The following OR6C3 variants were observed in gnomAD, a reference collection of about 807,000 sequenced individuals.
OR6C3 encodes the protein olfactory receptor 6C3.
For synonymous variants in OR6C3, 177 were observed against 137.4 expected (o/e 1.29, Z -2.02); for missense variants, 487 against 364.6 (o/e 1.34, Z -2.73).
chr12:55,330,367 A>G (rs1031807281), upstream of OR6C3: 11 of 152,250 alleles, frequency 7.2e-5, no homozygotes, highest in African/African-American at 2.2e-4. Flanking sequence ...CTGGCATTCC[A>G]TTTTTATTTC....
chr12:55,330,187 C>G (rs1482315109), upstream of OR6C3: 1 of 152,230 alleles, frequency 6.6e-6, no homozygotes, highest in Non-Finnish European at 1.5e-5. Context: ...AACCCAGATA[C>G]CAGAATCTAA....
intron 1 of OR6C3, among the ~76,000 whole-genome samples, chr12:55,331,259 T>C (rs1175713691): frequency 2.6e-5 from 4 of 151,980 alleles, no homozygotes; most frequent in African/African-American, 9.7e-5. Context: ...TTTGATGAAG[T>C]TAAGAGCACC....
In OR6C3 at chr12:55,332,147, G is replaced by C. The variant is rs962146965; in HGVS notation, c.447G>C (p.Gly149=). The C allele has an allele frequency of 6.2e-7, 1 of 1,613,932 alleles. No homozygotes were observed. The highest frequency in any genetic ancestry group is 1.7e-5 in the Admixed American group (1 of 59,980). Residue 149 remains glycine, a synonymous_variant, in exon 2 of 2, where the codon GGG becomes GGC. Coordinates refer to ENST00000641740, the MANE Select transcript of OR6C3 (RefSeq NM_001388498.1). ...TLLVLCAWLS[G]FLTIFPPLML... ...TTGTGCTGTGTGCCTGGCTAAGTGGGTTTCTGACCATTTTCCCACCCCTTA... is the reference window on the plus strand; with the variant it reads ...TTGTGCTGTGTGCCTGGCTAAGTGGCTTTCTGACCATTTTCCCACCCCTTA...
rs142648891 is a variant in OR6C3, at chr12:55,332,243, C to T, written c.543C>T (p.Leu181=). ...ACTTTGCATGTGACTATTTTCCCCT[C>T]TTACAACTATCTTGTTCAGATACAT... is the stretch of plus-strand genomic sequence containing the variant. ...IDHFACDYFP[L]LQLSCSDTWL... is the part of the protein sequence containing the mutation. Residue 181 remains leucine (L), a synonymous_variant, in exon 2 of 2, where the codon CTC becomes CTT. Transcript: ENST00000641740. 1 of 1,614,112 alleles carries T rather than the reference C, an allele frequency of 6.2e-7. No individual in the cohort carries two copies. Among genetic ancestry groups the T allele is most frequent in the Middle Eastern group, 1.6e-4 (1 of 6,062 alleles).
In OR6C3 at chr12:55,332,011, T is replaced by TG; in HGVS notation, c.316dup (p.Val106GlyfsTer3). 1 of 1,614,186 alleles carries TG rather than the reference T, an allele frequency of 6.2e-7. No individual in the cohort carries two copies. Among genetic ancestry groups the TG allele is most frequent in the South Asian group, 1.1e-5 (1 of 91,078 alleles). On this transcript the variant is annotated frameshift_variant, in exon 2 of 2. Transcript: ENST00000641740. LOFTEE classifies it low-confidence loss of function (END_TRUNC). ...GCCCAACTCTTTTTCTTTATCTTCA[T>TG]GGGGGTGACTGAATTTTACATTTTA...
At position 55,331,698 on chromosome 12, in the gene OR6C3, G is replaced by C. The variant is rs1868853361; in HGVS notation, c.-3G>C. ...GAAGAAGGAGAGAGAGAAAGGACGA[G>C]ACATGAACCACACAATGGTCACAGA... On this transcript the variant is annotated 5_prime_UTR_variant, in exon 2 of 2. Coordinates refer to ENST00000641740, the MANE Select transcript of OR6C3 (RefSeq NM_001388498.1). The C allele has an allele frequency of 1.3e-6, 2 of 1,599,050 alleles. No homozygotes were observed.
At chr12:55,331,247 CT>C (rs1463442684) in intron 1 of OR6C3, among the ~76,000 whole-genome samples, 1 of 151,506 alleles carries the variant, frequency 6.6e-6, no homozygotes, top group Non-Finnish European at 1.5e-5. Context: ...TCACTTTTAT[CT>C]TTTGATGAAG....
chr12:55,331,999 T>A lies in OR6C3; in HGVS notation c.299T>A (p.Phe100Tyr), dbSNP rs1297963432. Residue 100 changes from phenylalanine to tyrosine, a missense_variant, in exon 2 of 2, where the codon TTC becomes TAC. Phe to Tyr is a conservative substitution (Grantham distance 22). Coordinates refer to ENST00000641740, the MANE Select transcript of OR6C3 (RefSeq NM_001388498.1). ...AACAACTGTGCAGCCCAACTCTTTT[T>A]CTTTATCTTCATGGGGGTGACTGAA... is the stretch of plus-strand genomic sequence containing the variant. ...SYNNCAAQLFFFIFMGVTEFY... is the reference protein window; with the variant it reads ...SYNNCAAQLFYFIFMGVTEFY... 13 of 1,614,058 alleles carry A rather than the reference T, an allele frequency of 8.1e-6. No homozygotes were observed. Among genetic ancestry groups the A allele is most frequent in the Non-Finnish European group, 1.1e-5 (13 of 1,180,040 alleles).
In OR6C3 at chr12:55,332,136, T is replaced by G. The variant is rs1868878723; in HGVS notation, c.436T>G (p.Trp146Gly). The G allele has an allele frequency of 6.2e-7, 1 of 1,614,072 alleles. No individual in the cohort carries two copies. The highest frequency in any genetic ancestry group is 1.7e-5 in the Admixed American group (1 of 59,994). ...KLCTLLVLCA[W>G]LSGFLTIFPP... is the part of the protein sequence containing the mutation. ...CTGCACTCTACTTGTGCTGTGTGCC[T>G]GGCTAAGTGGGTTTCTGACCATTTT... Residue 146 changes from tryptophan to glycine, a missense_variant, in exon 2 of 2, where the codon TGG becomes GGG. By Grantham distance (184) the Trp-to-Gly change is radical. Transcript: ENST00000641740.
At position 55,331,837 on chromosome 12, in the gene OR6C3, C is replaced by A. The variant is rs769364773; in HGVS notation, c.137C>A (p.Thr46Asn). The A allele has an allele frequency of 1.1e-5, 17 of 1,613,854 alleles. No homozygotes were observed. The highest frequency in any genetic ancestry group is 1.6e-4 in the Middle Eastern group (1 of 6,084). Residue 46 changes from threonine (T) to asparagine (N), a missense_variant, in exon 2 of 2, where the codon ACC (threonine) becomes AAC (asparagine). Coordinates refer to ENST00000641740, the MANE Select transcript of OR6C3 (RefSeq NM_001388498.1). ...GGAAACCTGACTATCATCACCCTAA[C>A]CTTTGTGGACTCCCATCTGCAGACA... ...VTGNLTIITL[T>N]FVDSHLQTPM... is the part of the protein sequence containing the mutation.
Position 55,332,075 on chromosome 12 carries a change from G to A in OR6C3, c.375G>A (p.Lys125=), listed in dbSNP as rs373879780. ...ATGACCGCTATGTTGCCATCTGCAAGCCCCTTCATTACACATCCATCATGA... is the reference window on the plus strand; with the variant it reads ...ATGACCGCTATGTTGCCATCTGCAAACCCCTTCATTACACATCCATCATGA... ...MSYDRYVAIC[K]PLHYTSIMNR... Residue 125 remains lysine, a synonymous_variant, in exon 2 of 2, where the codon AAG becomes AAA. Transcript: ENST00000641740. 45 of 1,614,052 alleles carry A rather than the reference G, an allele frequency of 2.8e-5. No individual in the cohort carries two copies. The highest frequency in any genetic ancestry group is 3.6e-5 in the Non-Finnish European group (42 of 1,180,004).
chr12:55,330,216 T>C (rs1356952894), upstream of OR6C3: 1 of 152,194 alleles, frequency 6.6e-6, no homozygotes, highest in Non-Finnish European at 1.5e-5. Flanking sequence ...ATCCAATGTG[T>C]CATATATTTA....
chr12:55,332,465 G>A lies in OR6C3; in HGVS notation c.765G>A (p.Met255Ile), dbSNP rs371682800. The A allele has an allele frequency of 6.8e-6, 11 of 1,613,856 alleles. No homozygotes were observed. Among genetic ancestry groups the A allele is most frequent in the Non-Finnish European group, 9.3e-6 (11 of 1,180,002 alleles). Residue 255 changes from methionine (M) to isoleucine (I), a missense_variant, in exon 2 of 2, where the codon ATG (methionine) becomes ATA (isoleucine). Transcript: ENST00000641740. ...TTTCTTATGGAAGCTGTATATTCAT[G>A]TATGCTAATCCATCTGCAAAAGAAA... ...ISISYGSCIF[M>I]YANPSAKEKA...
At chr12:55,330,577 C>G (rs1395992562), upstream of OR6C3, among the ~76,000 whole-genome samples, 2 of 152,108 alleles carry the variant, frequency 1.3e-5, no homozygotes, top group East Asian at 3.9e-4. Context: ...GAACATCCAG[C>G]AGTTCTTGAA....
At chr12:55,331,615 C>G in intron 1 of OR6C3, 42 bp from the exon 2 acceptor site, 2 of 787,002 alleles carry the variant, frequency 2.5e-6, no homozygotes, top group Non-Finnish European at 4.1e-6. Flanking sequence ...TATCTTTTAT[C>G]TATTTTCCTT....
Position 55,331,913 on chromosome 12 carries a change from A to G in OR6C3, c.213A>G (p.Thr71=). ...TCTCTTTCTTAGAAATCTCATTTAC[A>G]ACCGTATGCATCCCCAGATTTCTGG... ...RNFSFLEISF[T]TVCIPRFLGA... The change falls in exon 2 of 2, where the codon ACA becomes ACG. Residue 71 remains threonine, a synonymous_variant. Coordinates refer to ENST00000641740, the MANE Select transcript of OR6C3 (RefSeq NM_001388498.1). 1 of 1,614,098 alleles carries G rather than the reference A, an allele frequency of 6.2e-7. No individual in the cohort carries two copies. The highest frequency in any genetic ancestry group is 8.5e-7 in the Non-Finnish European group (1 of 1,179,960).
In OR6C3 at chr12:55,332,208, G is replaced by A. The variant is rs748291525; in HGVS notation, c.508G>A (p.Val170Ile). 17 of 1,613,844 alleles carry A rather than the reference G, an allele frequency of 1.1e-5. No individual in the cohort carries two copies. Among genetic ancestry groups the A allele is most frequent in the Admixed American group, 1.0e-4 (6 of 59,982 alleles). The change falls in exon 2 of 2, where the codon GTC becomes ATC. Residue 170 changes from valine to isoleucine, a missense_variant. Val to Ile is a conservative substitution (Grantham distance 29, BLOSUM62 3). Coordinates refer to ENST00000641740, the MANE Select transcript of OR6C3 (RefSeq NM_001388498.1). ...CCAGCTGGATTACTGTGCTTCCAAC[G>A]TCATTGATCACTTTGCATGTGACTA... ...LLQLDYCASN[V>I]IDHFACDYFP...
At position 55,331,833 on chromosome 12, in the gene OR6C3, C is replaced by A. The variant is rs745504502; in HGVS notation, c.133C>A (p.Leu45Ile). The part of the protein sequence containing the change: ...SVTGNLTIIT[L>I]TFVDSHLQTP... The stretch of plus-strand genomic sequence containing the variant: ...TACTGGAAACCTGACTATCATCACC[C>A]TAACCTTTGTGGACTCCCATCTGCA... Residue 45 changes from leucine to isoleucine, a missense_variant, in exon 2 of 2, where the codon CTA (leucine) becomes ATA (isoleucine). Physicochemically the swap from Leu to Ile is conservative, Grantham distance 5. Coordinates refer to ENST00000641740, the MANE Select transcript of OR6C3 (RefSeq NM_001388498.1). 6.2e-7 allele frequency: 1 copy of A among 1,613,830 alleles called. No homozygotes were observed. The highest frequency in any genetic ancestry group is 1.3e-5 in the African/African-American group (1 of 74,902).
chr12:55,331,829 C>T lies in OR6C3; in HGVS notation c.129C>T (p.Ile43=). ...GTGTTACTGGAAACCTGACTATCAT[C>T]ACCCTAACCTTTGTGGACTCCCATC... The part of the protein sequence containing the change: ...ILSVTGNLTI[I]TLTFVDSHLQ... The change falls in exon 2 of 2, where the codon ATC becomes ATT. Residue 43 remains isoleucine (I), a synonymous_variant. Transcript: ENST00000641740. The T allele has an allele frequency of 2.5e-6, 4 of 1,613,882 alleles. No homozygotes were observed. Among genetic ancestry groups the T allele is most frequent in the Non-Finnish European group, 2.5e-6 (3 of 1,179,828 alleles).
Sources: allele counts gnomAD v4.1 joint callset (sites outside exome capture counted in the v4.1 genomes callset), GRCh38; gene constraint gnomAD v4.1.1; transcripts MANE v1.5; gene names NCBI Gene and HGNC (gene_info 2026-07-23, HGNC 2026-07-21).